The following CCND3 variants were observed in gnomAD, a reference collection of about 807,000 sequenced individuals.
CCND3 encodes G1/S-specific cyclin-D3.
A neutral mutation model predicts 28.7 loss-of-function variants in CCND3; 9 were observed. The observed-to-expected ratio is 0.31, with a 90% CI of 0.19 to 0.55. CCND3 has a LOEUF of 0.55. CCND3 is among the 20% of genes least tolerant of loss of function. CCND3 has a pLI of 0.93. For missense variants in CCND3, 315 were observed against 385.8 expected (o/e 0.82, Z 1.54); for synonymous variants, 164 against 163.9 (o/e 1.00, Z 0.00).
intron 1 of CCND3, among the ~76,000 whole-genome samples, chr6:41,995,749 C>T (rs1478734785): frequency 2.6e-5 from 4 of 151,896 alleles, no homozygotes; most frequent in Admixed American, 6.6e-5. Context: ...CTAAAACACA[C>T]GAGAGATAAA....
chr6:42,046,496 C>G (rs1490090909), intron 1 of CCND3, among the ~76,000 whole-genome samples: 1 of 152,196 alleles, frequency 6.6e-6, no homozygotes, highest in Non-Finnish European at 1.5e-5. Flanking sequence ...TTTCCCAAAT[C>G]CCCAGATTCT....
At chr6:42,044,507 C>T (rs748842105) in intron 1 of CCND3, among the ~76,000 whole-genome samples, 1 of 152,136 alleles carries the variant, frequency 6.6e-6, no homozygotes, top group Non-Finnish European at 1.5e-5. Flanking sequence ...GGCGAAGGGG[C>T]TTTGAGGTCG....
rs570757716 is a variant in CCND3 at position 42,029,393 on chromosome 6, A to G, written c.-46+19108T>C. Among the ~76,000 whole-genome samples, 211 of 152,272 alleles carry G rather than the reference A, an allele frequency of 1.4e-3. 2 individuals carry two copies. The highest frequency in any genetic ancestry group is 5.0e-3 in the African/African-American group (207 of 41,556). ...TTGAGTCTGCTGGCTGGCAGTGGCTATAGAAGGGGACACCTGTCCAGTAGT... is the reference window on the plus strand; with the variant it reads ...TTGAGTCTGCTGGCTGGCAGTGGCTGTAGAAGGGGACACCTGTCCAGTAGT... On this transcript the variant is annotated intron_variant, in intron 1 of 4. Transcript: ENST00000372988.
Position 41,996,566 on chromosome 6 carries a change from A to C in CCND3, c.-46+51935T>G, listed in dbSNP as rs989945274. Among the ~76,000 whole-genome samples, 28 of 152,008 alleles carry C rather than the reference A, an allele frequency of 1.8e-4. 1 individual carries two copies. Among genetic ancestry groups the C allele is most frequent in the Admixed American group, 1.8e-3 (28 of 15,222 alleles). On this transcript the variant is annotated intron_variant, in intron 1 of 4. Transcript: ENST00000372988. ...GCATAGACTGCTCACTTTTATCTAC[A>C]GTCTCACTTATGTCTCTTCTACCAT...
chr6:41,947,974 G>C (rs1199993895), intron 1 of CCND3, among the ~76,000 whole-genome samples: 1 of 151,970 alleles, frequency 6.6e-6, no homozygotes, highest in African/African-American at 2.4e-5. Flanking sequence ...CTGTGCTCTG[G>C]CCACACGGTT....
rs57849655 is a variant in CCND3 at position 42,036,403 on chromosome 6, A to AT, written c.-46+12097dup. 4.9e-3 allele frequency among the ~76,000 whole-genome samples: 153 copies of AT among 31,338 alleles called. 10 individuals are homozygous for AT. Among genetic ancestry groups the AT allele is most frequent in the African/African-American group, 0.012 (83 of 6,912 alleles). The allele number at this position is 31,338 out of a possible 152,430, so 20.6% of individuals were successfully genotyped here. ...TATATATATATATATATATATATAT[A>AT]TTTTTTTTTTTTTTTTTTTTTTTTG... is the stretch of plus-strand genomic sequence containing the variant. On this transcript the variant is annotated intron_variant, in intron 1 of 4. Coordinates refer to the CCND3 transcript ENST00000372988.
intron 1 of CCND3, among the ~76,000 whole-genome samples, chr6:42,026,041 C>G (rs1234430492): frequency 6.6e-6 from 1 of 152,214 alleles, no homozygotes; most frequent in African/African-American, 2.4e-5. Flanking sequence ...GTATGTTCCC[C>G]AAACTCCCTG....
chr6:41,993,409 T>TC (rs1235789899), intron 1 of CCND3, among the ~76,000 whole-genome samples: 1 of 109,992 alleles, frequency 9.1e-6, no homozygotes, highest in East Asian at 3.0e-4. Context: ...GCTCATGTCT[T>TC]CTTTTTTTTT....
intron 1 of CCND3, among the ~76,000 whole-genome samples, chr6:41,964,743 G>T (rs1225565281): frequency 6.6e-6 from 1 of 152,130 alleles, no homozygotes; most frequent in Non-Finnish European, 1.5e-5. Flanking sequence ...GGAGCAGAGG[G>T]CTGTTACAGG....
At chr6:41,975,929 A>C (rs1166582610) in intron 1 of CCND3, among the ~76,000 whole-genome samples, 1 of 151,692 alleles carries the variant, frequency 6.6e-6, no homozygotes, top group Non-Finnish European at 1.5e-5. Context: ...GCAGCCTCGA[A>C]CTCTCAGGCT....
chr6:41,971,377 C>T (rs1394197294), intron 1 of CCND3, among the ~76,000 whole-genome samples: 2 of 152,040 alleles, frequency 1.3e-5, no homozygotes, highest in Non-Finnish European at 2.9e-5. Flanking sequence ...CCCATCCTCC[C>T]GCCTCAGCCT....
intron 1 of CCND3, among the ~76,000 whole-genome samples, chr6:42,014,167 C>T (rs1322722406): frequency 1.3e-5 from 2 of 150,918 alleles, no homozygotes; most frequent in East Asian, 2.0e-4. Context: ...AGATCGAGAC[C>T]ATCCTGGCTA....
At chr6:42,028,156 C>T (rs960047397) in intron 1 of CCND3, among the ~76,000 whole-genome samples, 1 of 152,204 alleles carries the variant, frequency 6.6e-6, no homozygotes, top group African/African-American at 2.4e-5. Flanking sequence ...CTCACTAAAT[C>T]GTGGCTGCTC....
chr6:42,011,816 C>T (rs573090502), intron 1 of CCND3, among the ~76,000 whole-genome samples: 4 of 152,284 alleles, frequency 2.6e-5, no homozygotes, highest in South Asian at 2.1e-4. Flanking sequence ...CCGACGACAG[C>T]GCTCACCGGT....
chr6:41,970,701 C>T (rs1272903940), intron 1 of CCND3, among the ~76,000 whole-genome samples: 1 of 152,202 alleles, frequency 6.6e-6, no homozygotes, highest in African/African-American at 2.4e-5. Context: ...GAGACGTCCC[C>T]ACACACTACA....
chr6:41,950,283 C>T (rs1776271603), intron 1 of CCND3, among the ~76,000 whole-genome samples: 1 of 151,958 alleles, frequency 6.6e-6, no homozygotes, highest in Non-Finnish European at 1.5e-5. Flanking sequence ...AGCAATATAC[C>T]TGCAAAAAGA....
At position 42,048,032 on chromosome 6, in the gene CCND3, C is replaced by G. The variant is rs1764596075; in HGVS notation, c.-46+469G>C. On this transcript the variant is annotated intron_variant, in intron 1 of 4. Coordinates refer to the CCND3 transcript ENST00000372988. The surrounding 1 kb of genome is among the most constrained non-coding windows in gnomAD (Gnocchi z 4.7). ...ACAGCAACCAATTTATTCAGTTATT[C>G]CTCTTGTTGGCACTTCAAGAGACAC... 6.5e-6 allele frequency: 1 copy of G among 153,516 alleles called. No individual in the cohort carries two copies. Among genetic ancestry groups the G allele is most frequent in the Admixed American group, 6.5e-5 (1 of 15,286 alleles). The allele number at this position is 153,516 out of a possible 1,614,324, so 9.5% of individuals were successfully genotyped here. A position where few individuals can be genotyped will look rare whatever the true frequency, so the allele number is the denominator to read the frequency against.
intron 1 of CCND3, among the ~76,000 whole-genome samples, chr6:42,016,724 A>T (rs1481290148): frequency 6.6e-6 from 1 of 151,416 alleles, no homozygotes; most frequent in Non-Finnish European, 1.5e-5. Context: ...AGCTGGGATT[A>T]CAGGCACCCG....
intron 1 of CCND3, among the ~76,000 whole-genome samples, chr6:42,022,275 T>G (rs928556378): frequency 5.9e-5 from 9 of 152,172 alleles, no homozygotes; most frequent in Non-Finnish European, 1.3e-4. Context: ...GTCTTTCATA[T>G]TTACCAGTAT....
Sources: allele counts gnomAD v4.1 joint callset (sites outside exome capture counted in the v4.1 genomes callset), GRCh38; gene constraint gnomAD v4.1.1; non-coding constraint Gnocchi (gnomAD v3.1); transcripts MANE v1.5; gene names NCBI Gene and HGNC (gene_info 2026-07-23, HGNC 2026-07-21).